Variants in PDE7B observed in about 807,000 individuals in gnomAD.
PDE7B encodes phosphodiesterase 7B.
A neutral mutation model predicts 56.2 loss-of-function variants in PDE7B; 29 were observed. The observed-to-expected ratio is 0.52, with a 90% CI of 0.38 to 0.70. PDE7B has a LOEUF of 0.70. Ranked by LOEUF, PDE7B falls within the 30% of genes least tolerant of loss-of-function variation. The pLI is 0.00. For missense variants in PDE7B, 490 were observed against 565.0 expected, an observed-to-expected ratio of 0.87 and a Z score of 1.35; for synonymous variants, 197 against 196.9, an observed-to-expected ratio of 1.00 and a Z score of 0.00.
chr6:135,918,736 G>C (rs1774006258), intron 1 of PDE7B, among the ~76,000 whole-genome samples: 1 of 152,120 alleles, frequency 6.6e-6, no homozygotes, highest in African/African-American at 2.4e-5. Context: ...TGCCACACAG[G>C]TGTTTAAGGT....
At chr6:136,109,714 A>G (rs1252932274) in intron 3 of PDE7B, among the ~76,000 whole-genome samples, 1 of 152,102 alleles carries the variant, frequency 6.6e-6, no homozygotes, top group Non-Finnish European at 1.5e-5. Context: ...AATTTTCTTA[A>G]TCTTAGGTTT....
In PDE7B at chr6:136,127,171, G is replaced by A. The variant is rs190056682; in HGVS notation, c.166+18357G>A. On this transcript the variant is annotated intron_variant, in intron 3 of 12. Coordinates refer to ENST00000308191, the MANE Select transcript of PDE7B (RefSeq NM_018945.4). Reference sequence around the variant, plus strand: ...CCATTGAAAAATTGAAGGTGATACAGGACAATCCTCTGTTGTGTAGAAGAG... The same window carrying A: ...CCATTGAAAAATTGAAGGTGATACAAGACAATCCTCTGTTGTGTAGAAGAG... 1.4e-4 allele frequency among the ~76,000 whole-genome samples: 21 copies of A among 152,192 alleles called. No individual in the cohort carries two copies. In the East Asian group the frequency reaches 2.9e-3, roughly 21 times the overall value.
intron 2 of PDE7B, among the ~76,000 whole-genome samples, chr6:136,006,890 G>A (rs1191975607): frequency 1.3e-5 from 2 of 151,756 alleles, no homozygotes; most frequent in Non-Finnish European, 2.9e-5. Context: ...TTCCAATTTA[G>A]ATGCCTTATT....
intron 8 of PDE7B, among the ~76,000 whole-genome samples, chr6:136,166,764 A>G (rs1489359805): frequency 6.6e-6 from 1 of 152,148 alleles, no homozygotes; most frequent in Non-Finnish European, 1.5e-5. Flanking sequence ...ACACAGATAC[A>G]AACCATTTCA....
At chr6:135,971,511 A>C (rs1174606893) in intron 2 of PDE7B, among the ~76,000 whole-genome samples, 3 of 152,210 alleles carry the variant, frequency 2.0e-5, no homozygotes, top group Admixed American at 1.3e-4. Flanking sequence ...GGAGCTTTCC[A>C]GAAAGAGAGA....
At chr6:135,909,874 G>C (rs533536130) in intron 1 of PDE7B, among the ~76,000 whole-genome samples, 1 of 152,014 alleles carries the variant, frequency 6.6e-6, no homozygotes, top group Non-Finnish European at 1.5e-5. Flanking sequence ...TCGGATCCTC[G>C]GCAAACGCAG....
At chr6:135,863,964 C>A (rs990068232) in intron 1 of PDE7B, among the ~76,000 whole-genome samples, 2 of 151,950 alleles carry the variant, frequency 1.3e-5, no homozygotes, top group African/African-American at 2.4e-5. Flanking sequence ...TTCAAACATG[C>A]TGACTTACTA....
At chr6:136,050,702 G>A (rs911392241) in intron 2 of PDE7B, among the ~76,000 whole-genome samples, 13 of 152,138 alleles carry the variant, frequency 8.5e-5, no homozygotes, top group Non-Finnish European at 2.9e-5. Context: ...CAAAAGTAGT[G>A]GTGACCATGA....
chr6:135,944,149 G>A (rs902572145), intron 1 of PDE7B, among the ~76,000 whole-genome samples: 3 of 152,298 alleles, frequency 2.0e-5, no homozygotes, highest in South Asian at 4.1e-4. Flanking sequence ...TGGCAGCAGG[G>A]TGCTTGCATG....
rs148877609 is a variant in PDE7B at position 136,151,779 on chromosome 6, C to CA, written c.478+534dup. On this transcript the variant is annotated intron_variant, in intron 6 of 12. Transcript: ENST00000308191. Reference sequence around the variant, plus strand: ...TGAAACCCTGTCTCTACTAAAAATACAAAAAAAAAATTAGCCAGGCTTGTT... The same window carrying CA: ...TGAAACCCTGTCTCTACTAAAAATACAAAAAAAAAAATTAGCCAGGCTTGTT... Among the ~76,000 whole-genome samples, 67 of 113,558 alleles carry CA rather than the reference C, an allele frequency of 5.9e-4. 1 individual carries two copies. Among genetic ancestry groups the CA allele is most frequent in the Admixed American group, 3.0e-3 (30 of 10,100 alleles). The allele number at this position is 113,558 out of a possible 152,430, so 74.5% of individuals were successfully genotyped here. A position where few individuals can be genotyped will look rare whatever the true frequency, so the allele number is the denominator to read the frequency against.
intron 1 of PDE7B, among the ~76,000 whole-genome samples, chr6:135,863,289 A>G (rs1391950374): frequency 2.0e-5 from 3 of 151,990 alleles, no homozygotes; most frequent in Admixed American, 1.3e-4. Flanking sequence ...TTTTGCCATC[A>G]TTTGCTTATA....
chr6:136,077,173 G>C (rs1281239391), intron 2 of PDE7B, among the ~76,000 whole-genome samples: 1 of 151,968 alleles, frequency 6.6e-6, no homozygotes, highest in East Asian at 1.9e-4. Flanking sequence ...AGAAGGACCA[G>C]GAGGACAATG....
chr6:135,973,013 A>T (rs1775119632), intron 2 of PDE7B, among the ~76,000 whole-genome samples: 4 of 152,156 alleles, frequency 2.6e-5, no homozygotes, highest in Admixed American at 2.6e-4. Flanking sequence ...CTTTTAACAA[A>T]TGTTTGAGTG....
intron 2 of PDE7B, among the ~76,000 whole-genome samples, chr6:135,975,736 G>A (rs1320751734): frequency 6.6e-6 from 1 of 152,164 alleles, no homozygotes; most frequent in Non-Finnish European, 1.5e-5. Flanking sequence ...TGAGATTTAA[G>A]ACTAAAAATT....
chr6:136,078,350 C>A (rs1332035960), intron 2 of PDE7B, among the ~76,000 whole-genome samples: 8 of 152,216 alleles, frequency 5.3e-5, no homozygotes, highest in South Asian at 2.1e-4. Flanking sequence ...ACCATTCAGC[C>A]TTCACAACCC....
Position 136,058,465 on chromosome 6 carries a change from T to G in PDE7B, c.83-50266T>G, listed in dbSNP as rs530930490. ...ACCTCCAGTGTCTATTTCCTGGGAATTCAGTAGCAAAGCAGAAACAATAAC... is the reference window on the plus strand; with the variant it reads ...ACCTCCAGTGTCTATTTCCTGGGAAGTCAGTAGCAAAGCAGAAACAATAAC... On this transcript the variant is annotated intron_variant, in intron 2 of 12. Transcript: ENST00000308191. 7.2e-5 allele frequency among the ~76,000 whole-genome samples: 11 copies of G among 152,218 alleles called. No individual in the cohort carries two copies. The South Asian group carries it at 2.1e-3, about 29-fold the overall frequency.
intron 2 of PDE7B, among the ~76,000 whole-genome samples, chr6:136,086,410 G>A (rs1026843196): frequency 1.2e-4 from 18 of 152,078 alleles, no homozygotes; most frequent in Non-Finnish European, 4.4e-5. Context: ...AAGAAAGAAG[G>A]AAGAGGCTCC....
intron 2 of PDE7B, among the ~76,000 whole-genome samples, chr6:135,987,629 G>A (rs914197662): frequency 3.9e-5 from 6 of 152,080 alleles, no homozygotes; most frequent in South Asian, 2.1e-4. Context: ...GAGTGTGCTC[G>A]TGATCACACC....
At chr6:135,957,393 C>A (rs1031420393) in intron 2 of PDE7B, among the ~76,000 whole-genome samples, 1 of 152,198 alleles carries the variant, frequency 6.6e-6, no homozygotes, top group Admixed American at 6.5e-5. Context: ...CAGGCCTATT[C>A]TTTAAAATTA....
Sources: gnomAD v4.1 joint callset for allele counts (sites outside exome capture counted in the v4.1 genomes callset) on GRCh38, gnomAD v4.1.1 for gene constraint, MANE v1.5 for transcripts, NCBI Gene and HGNC (gene_info 2026-07-23, HGNC 2026-07-21) for gene names.